Variants in NLGN1 observed in about 807,000 individuals in gnomAD.
NLGN1 encodes the protein neuroligin 1.
A neutral mutation model predicts 65.5 loss-of-function variants in NLGN1; 12 were observed. The observed-to-expected ratio is 0.18, with a 90% CI of 0.12 to 0.30. NLGN1 has a LOEUF of 0.30. Among genes scored for constraint, NLGN1 ranks in the 10% least tolerant of loss-of-function variants. NLGN1 has a pLI of 1.00. For missense variants in NLGN1, 750 were observed against 1,007.1 expected (o/e 0.74, Z 3.46); for synonymous variants, 350 against 359.5 (o/e 0.97, Z 0.30).
intron 4 of NLGN1, among the ~76,000 whole-genome samples, chr3:173,977,397 A>G (rs997407245): frequency 1.3e-5 from 2 of 152,008 alleles, no homozygotes; most frequent in African/African-American, 4.8e-5. Flanking sequence ...GACAAAAGAC[A>G]AGTGTAATTG....
chr3:174,064,413 G>C (rs1393075955), intron 4 of NLGN1, among the ~76,000 whole-genome samples: 1 of 151,922 alleles, frequency 6.6e-6, no homozygotes, highest in Non-Finnish European at 1.5e-5. Flanking sequence ...ATAGTATAGT[G>C]ATCAAGAGCA....
chr3:173,651,661 T>C (rs976044459), intron 3 of NLGN1, among the ~76,000 whole-genome samples: 1 of 152,204 alleles, frequency 6.6e-6, no homozygotes, highest in African/African-American at 2.4e-5. Context: ...TTCTGACTGG[T>C]ATAAGATGAT....
intron 4 of NLGN1, among the ~76,000 whole-genome samples, chr3:173,815,015 T>C (rs1330093099): frequency 6.6e-6 from 1 of 151,956 alleles, no homozygotes; most frequent in African/African-American, 2.4e-5. Flanking sequence ...TCTTTTCTTT[T>C]CTTTCCTTTC....
intron 2 of NLGN1, among the ~76,000 whole-genome samples, chr3:173,545,286 G>C (rs1237502320): frequency 1.3e-5 from 2 of 151,996 alleles, no homozygotes; most frequent in Non-Finnish European, 1.5e-5. Context: ...GTTGGTCAGG[G>C]TGGTCTCAAA....
intron 3 of NLGN1, among the ~76,000 whole-genome samples, chr3:173,660,765 G>A (rs1760812481): frequency 6.6e-6 from 1 of 151,860 alleles, no homozygotes; most frequent in Non-Finnish European, 1.5e-5. Flanking sequence ...AATATATCAT[G>A]TTCTCCACTG....
chr3:173,628,827 G>A (rs1046314917), intron 3 of NLGN1, among the ~76,000 whole-genome samples: 1 of 151,916 alleles, frequency 6.6e-6, no homozygotes, highest in African/African-American at 2.4e-5. Flanking sequence ...CCTAACAGCT[G>A]GGATTAGAGG....
At chr3:174,199,867 G>A (rs1577328938) in intron 4 of NLGN1, among the ~76,000 whole-genome samples, 1 of 152,150 alleles carries the variant, frequency 6.6e-6, no homozygotes, top group Non-Finnish European at 1.5e-5. Flanking sequence ...GTTACTTACA[G>A]AGCAGCATTA....
intron 4 of NLGN1, among the ~76,000 whole-genome samples, chr3:173,874,954 GT>G (rs1441223668): frequency 6.6e-6 from 1 of 152,194 alleles, no homozygotes; most frequent in Non-Finnish European, 1.5e-5. Flanking sequence ...GATTTTTGAA[GT>G]GCTTAGGTGA....
intron 4 of NLGN1, among the ~76,000 whole-genome samples, chr3:174,260,536 G>GT (rs1478726305): frequency 2.0e-5 from 3 of 149,776 alleles, no homozygotes; most frequent in Non-Finnish European, 4.4e-5. Flanking sequence ...GGGGTTGTTT[G>GT]TTTTTTTCTT....
intron 2 of NLGN1, among the ~76,000 whole-genome samples, chr3:173,504,890 A>C (rs9836312): frequency 0.015 from 2,223 of 152,114 alleles, 39 homozygotes; most frequent in African/African-American, 0.049. Flanking sequence ...GGACTTCCTC[A>C]AGACGAAAAA....
At chr3:173,977,457 G>A (rs146093265) in intron 4 of NLGN1, among the ~76,000 whole-genome samples, 51 of 152,126 alleles carry the variant, frequency 3.4e-4, no homozygotes, top group African/African-American at 1.1e-3. Flanking sequence ...TTGACAAGGC[G>A]GGTAGAAGTT....
intron 4 of NLGN1, among the ~76,000 whole-genome samples, chr3:173,976,176 A>G (rs899558789): frequency 6.6e-6 from 1 of 152,052 alleles, no homozygotes; most frequent in Non-Finnish European, 1.5e-5. Context: ...TCCTTTCCTG[A>G]AAAATGTCCA....
At chr3:173,530,510 G>A (rs1470334933) in intron 2 of NLGN1, among the ~76,000 whole-genome samples, 4 of 152,150 alleles carry the variant, frequency 2.6e-5, no homozygotes, top group Non-Finnish European at 5.9e-5. Flanking sequence ...ATTCGTGAGG[G>A]TAATTTTCTG....
intron 4 of NLGN1, among the ~76,000 whole-genome samples, chr3:173,918,569 GT>G (rs1279478817): frequency 1.3e-5 from 2 of 149,300 alleles, no homozygotes; most frequent in Non-Finnish European, 3.0e-5. Flanking sequence ...GGAGGTGGAG[GT>G]TGCAGTGAGC....
intron 4 of NLGN1, among the ~76,000 whole-genome samples, chr3:174,211,966 C>A (rs568837846): frequency 6.6e-6 from 1 of 152,202 alleles, no homozygotes; most frequent in South Asian, 2.1e-4. Context: ...CCGCGCCATG[C>A]GCTCGTACTC....
At chr3:173,913,476 G>A (rs1740059022) in intron 4 of NLGN1, among the ~76,000 whole-genome samples, 1 of 152,176 alleles carries the variant, frequency 6.6e-6, no homozygotes, top group South Asian at 2.1e-4. Flanking sequence ...AGTGGCAGTT[G>A]AGCAGTTCAC....
At chr3:173,565,514 T>G (rs1330564648) in intron 2 of NLGN1, among the ~76,000 whole-genome samples, 2 of 152,166 alleles carry the variant, frequency 1.3e-5, no homozygotes, top group East Asian at 3.9e-4. Flanking sequence ...GCTATATATC[T>G]ACTTCTAATA....
At chr3:174,262,378 A>C in intron 4 of NLGN1, among the ~76,000 whole-genome samples, 3 of 125,524 alleles carry the variant, frequency 2.4e-5, no homozygotes, top group Non-Finnish European at 4.9e-5. Context: ...TTATTGGTCT[A>C]TTCAGAGATT....
At chr3:174,274,945 G>GTGTT (rs1177130776) in intron 4 of NLGN1, among the ~76,000 whole-genome samples, 2 of 151,798 alleles carry the variant, frequency 1.3e-5, no homozygotes, top group Non-Finnish European at 2.9e-5. Context: ...GACAGACATG[G>GTGTT]TGTTTTCTGC....
Sources: allele counts gnomAD v4.1 joint callset (sites outside exome capture counted in the v4.1 genomes callset), GRCh38; gene constraint gnomAD v4.1.1; transcripts MANE v1.5; gene names NCBI Gene and HGNC (gene_info 2026-07-23, HGNC 2026-07-21).